STARD13: variants seen among roughly 807,000 people sequenced by gnomAD.
STARD13 encodes the protein StAR related lipid transfer domain containing 13.
A neutral mutation model predicts 106.4 loss-of-function variants in STARD13; 62 were observed. That is an observed-to-expected ratio of 0.58 (90% CI 0.48 to 0.72). STARD13 has a LOEUF of 0.72. STARD13 is among the 30% of genes least tolerant of loss of function. The probability of loss-of-function intolerance (pLI) is 0.00; values close to 1 mark genes in which losing one functional copy is unlikely to be tolerated. For missense variants in STARD13, 1,387 were observed against 1,424.0 expected, an observed-to-expected ratio of 0.97 and a Z score of 0.42; for synonymous variants, 565 against 553.0, an observed-to-expected ratio of 1.02 and a Z score of -0.31.
chr13:33,300,378 T>A (rs1312464040), intron 1 of STARD13, among the ~76,000 whole-genome samples: 1 of 152,210 alleles, frequency 6.6e-6, no homozygotes, highest in Non-Finnish European at 1.5e-5. Flanking sequence ...GCTAGATGTT[T>A]TCAATTTTAT....
the STARD13 span, among the ~76,000 whole-genome samples, chr13:33,383,178 A>C: frequency 4.6e-5 from 7 of 152,184 alleles, no homozygotes; most frequent in East Asian, 1.2e-3. Context: ...GACATGCCAC[A>C]TGGGTAGCGT....
Position 33,165,412 on chromosome 13 carries a change from T to G in STARD13, c.248A>C (p.Gln83Pro). The G allele has an allele frequency of 6.2e-7, 1 of 1,613,340 alleles. No homozygotes were observed. Among genetic ancestry groups the G allele is most frequent in the Non-Finnish European group, 8.5e-7 (1 of 1,179,312 alleles). Reference protein sequence around the residue: ...PQYAQLYEDSQFPINIVAVKN... With the variant: ...PQYAQLYEDSPFPINIVAVKN... ...GACAGCCACAATGTTGATGGGAAAT[T>G]GTGAATCTGAGAGAGAAAGACAAAG... Residue 83 changes from glutamine (Q) to proline (P), a missense_variant, in exon 3 of 14, where the codon CAA becomes CCA. By Grantham distance (76) the Gln-to-Pro change is moderately conservative (BLOSUM62 -1). Transcript: ENST00000336934.
At chr13:33,632,431 T>A in the STARD13 span, among the ~76,000 whole-genome samples, 1 of 152,230 alleles carries the variant, frequency 6.6e-6, no homozygotes, top group Non-Finnish European at 1.5e-5. Flanking sequence ...TGACCATGAA[T>A]CATATTCAGA....
intron 1 of STARD13, chr13:33,185,946 C>T (rs1319844190): frequency 6.2e-7 from 1 of 1,614,112 alleles, no homozygotes; most frequent in Non-Finnish European, 8.5e-7. Context: ...TTTGCATTCT[C>T]TGCACCAGCG....
the STARD13 span, among the ~76,000 whole-genome samples, chr13:33,647,790 C>T: frequency 2.6e-5 from 4 of 152,218 alleles, no homozygotes; most frequent in Admixed American, 6.5e-5. Context: ...TATTCTGACA[C>T]ATGCGGAAAA....
the STARD13 span, chr13:33,439,808 T>G: frequency 5.8e-6 from 4 of 688,830 alleles, no homozygotes; most frequent in Non-Finnish European, 8.4e-6. Context: ...AAAAATAAGA[T>G]TGTAAAATTA....
chr13:33,616,274 A>C, the STARD13 span, among the ~76,000 whole-genome samples: 28 of 152,076 alleles, frequency 1.8e-4, no homozygotes, highest in Middle Eastern at 3.4e-3. Flanking sequence ...GGAGCAGGGA[A>C]GGGAAGAGAA....
intron 4 of STARD13, chr13:33,138,410 C>CTTTTTTTTTTTT (rs71196507): frequency 8.1e-6 from 1 of 122,794 alleles, no homozygotes. Flanking sequence ...CACTGTTTGG[C>CTTTTTTTTTTTT]TTTTTTTTTT....
At chr13:33,461,292 C>T in the STARD13 span, among the ~76,000 whole-genome samples, 150,497 of 152,368 alleles carry the variant, frequency 0.99, 74,329 homozygotes, top group East Asian at 1. Flanking sequence ...TTAAACACAA[C>T]AAAGCCTGTG....
chr13:33,167,911 A>G (rs1342867836), intron 1 of STARD13, among the ~76,000 whole-genome samples: 1 of 152,118 alleles, frequency 6.6e-6, no homozygotes, highest in Non-Finnish European at 1.5e-5. Context: ...TCAGGCAGGG[A>G]AAAATGTCTT....
At chr13:33,660,756 T>G in the STARD13 span, among the ~76,000 whole-genome samples, 2 of 152,148 alleles carry the variant, frequency 1.3e-5, no homozygotes, top group Non-Finnish European at 1.5e-5. Context: ...GCTACATTCT[T>G]TATTTTCTGT....
At chr13:33,596,007 A>G in the STARD13 span, among the ~76,000 whole-genome samples, 3 of 152,168 alleles carry the variant, frequency 2.0e-5, no homozygotes, top group Non-Finnish European at 2.9e-5. Context: ...GTTTGAAATC[A>G]GATGCTCTTC....
chr13:33,364,264 G>C, the STARD13 span, among the ~76,000 whole-genome samples: 24 of 152,056 alleles, frequency 1.6e-4, no homozygotes, highest in Non-Finnish European at 2.9e-4. Flanking sequence ...CCAAGAGTTC[G>C]AGACCAACCT....
chr13:33,257,781 C>A (rs1315018029), intron 1 of STARD13, among the ~76,000 whole-genome samples: 2 of 152,172 alleles, frequency 1.3e-5, no homozygotes, highest in Non-Finnish European at 2.9e-5. Flanking sequence ...CCAGCCTTTT[C>A]AATTCCACAC....
chr13:33,217,018 CTG>C (rs1292988112), intron 1 of STARD13, among the ~76,000 whole-genome samples: 1 of 152,152 alleles, frequency 6.6e-6, no homozygotes, highest in Non-Finnish European at 1.5e-5. Flanking sequence ...TGCTATATAA[CTG>C]CATGCTTTTT....
At chr13:33,182,373 G>A (rs561759645) in intron 1 of STARD13, among the ~76,000 whole-genome samples, 1 of 152,212 alleles carries the variant, frequency 6.6e-6, no homozygotes, top group Non-Finnish European at 1.5e-5. Context: ...GATTCATTCT[G>A]TCTCTTCCAG....
At chr13:33,165,486 C>A (rs1883215674) in intron 2 of STARD13, 68 bp from the exon 3 acceptor site, 5 of 1,215,734 alleles carry the variant, frequency 4.1e-6, no homozygotes, top group South Asian at 2.5e-5. Flanking sequence ...ATATTCAGAC[C>A]TTCAAGGTCT....
chr13:33,343,604 T>TAAAAAAA (rs1173728997), intron 1 of STARD13, among the ~76,000 whole-genome samples: 14 of 76,582 alleles, frequency 1.8e-4, no homozygotes, highest in East Asian at 1.0e-3. Context: ...AAAACAAATC[T>TAAAAAAA]ACAAATCTAG....
At chr13:33,180,929 A>T (rs558542926) in intron 1 of STARD13, among the ~76,000 whole-genome samples, 70 of 152,334 alleles carry the variant, frequency 4.6e-4, no homozygotes, top group African/African-American at 1.6e-3. Context: ...ATAATTTTTT[A>T]AAAAATTTAG....
Sources: allele counts gnomAD v4.1 joint callset (sites outside exome capture counted in the v4.1 genomes callset), GRCh38; gene constraint gnomAD v4.1.1; transcripts MANE v1.5; gene names NCBI Gene and HGNC (gene_info 2026-07-23, HGNC 2026-07-21).